SAMMSON: variants seen among roughly 807,000 people sequenced by gnomAD.
SAMMSON encodes the protein survival associated mitochondrial melanoma specific oncogenic non-coding RNA.
chr3:70,032,474 T>G (rs1262859913), intron 3 of SAMMSON, among the ~76,000 whole-genome samples: 3 of 152,218 alleles, frequency 2.0e-5, no homozygotes, highest in African/African-American at 7.2e-5. Context: ...TCTCCTTTAC[T>G]TAGTATTTCT....
chr3:70,308,216 AATTTTATTTTTTTGTTTTT>A (rs1559560072), intron 7 of SAMMSON, among the ~76,000 whole-genome samples: 1 of 149,372 alleles, frequency 6.7e-6, no homozygotes, highest in Non-Finnish European at 1.5e-5. Flanking sequence ...ACACCCAGCT[AATTTTATTTTTTTGTTTTT>A]ATTTTATTTT....
At chr3:70,310,814 AT>A (rs200890566) in intron 7 of SAMMSON, among the ~76,000 whole-genome samples, 4 of 151,886 alleles carry the variant, frequency 2.6e-5, no homozygotes, top group African/African-American at 9.7e-5. Flanking sequence ...TAACTTAAAC[AT>A]TTTTTTTCTT....
At chr3:70,209,211 T>C (rs1701318779) in intron 4 of SAMMSON, among the ~76,000 whole-genome samples, 1 of 152,126 alleles carries the variant, frequency 6.6e-6, no homozygotes, top group Admixed American at 6.6e-5. Flanking sequence ...AGATAATTTT[T>C]TGGCATGGAG....
At chr3:70,285,318 T>C (rs1702148897) in intron 6 of SAMMSON, among the ~76,000 whole-genome samples, 1 of 151,382 alleles carries the variant, frequency 6.6e-6, no homozygotes, top group South Asian at 2.1e-4. Context: ...TTTGGTTTTT[T>C]GTTCTTGCGA....
intron 4 of SAMMSON, among the ~76,000 whole-genome samples, chr3:70,177,952 T>C (rs1042258284): frequency 2.0e-5 from 3 of 152,182 alleles, no homozygotes; most frequent in African/African-American, 7.2e-5. Flanking sequence ...AAATATACAG[T>C]TGGATGTTCT....
At chr3:70,176,956 C>T (rs1291127326) in intron 4 of SAMMSON, among the ~76,000 whole-genome samples, 2 of 152,094 alleles carry the variant, frequency 1.3e-5, no homozygotes, top group Non-Finnish European at 2.9e-5. Flanking sequence ...ATTCTTCACA[C>T]AGGAATTTTA....
At chr3:70,089,784 G>GT (rs1203747173) in intron 4 of SAMMSON, among the ~76,000 whole-genome samples, 2 of 152,038 alleles carry the variant, frequency 1.3e-5, no homozygotes, top group African/African-American at 2.4e-5. Flanking sequence ...TTTTCGCAAG[G>GT]TTTAAAAAAA....
At chr3:70,240,383 C>T (rs553894974) in intron 4 of SAMMSON, among the ~76,000 whole-genome samples, 45 of 151,800 alleles carry the variant, frequency 3.0e-4, no homozygotes, top group African/African-American at 1.0e-3. Context: ...TAGAAGTGAG[C>T]TATGTGGTTT....
intron 1 of SAMMSON, among the ~76,000 whole-genome samples, chr3:70,010,385 A>G (rs2066948889): frequency 6.6e-6 from 1 of 152,102 alleles, no homozygotes; most frequent in African/African-American, 2.4e-5. Context: ...TCCCTTTACC[A>G]TTATGTAATG....
intron 3 of SAMMSON, among the ~76,000 whole-genome samples, chr3:70,057,761 A>G (rs2067173420): frequency 6.6e-6 from 1 of 151,990 alleles, no homozygotes; most frequent in Non-Finnish European, 1.5e-5. Context: ...CAGGTCAGGA[A>G]GTATTGCAGA....
intron 4 of SAMMSON, among the ~76,000 whole-genome samples, chr3:70,154,834 T>C (rs1469673243): frequency 6.6e-6 from 1 of 151,990 alleles, no homozygotes; most frequent in African/African-American, 2.4e-5. Flanking sequence ...TGGCTTTACC[T>C]TTGATCCTAT....
At chr3:70,345,445 T>G (rs572084755) in intron 7 of SAMMSON, among the ~76,000 whole-genome samples, 3 of 152,332 alleles carry the variant, frequency 2.0e-5, no homozygotes, top group African/African-American at 7.2e-5. Flanking sequence ...TTCAGCCAGA[T>G]AGTTTTGTCC....
At chr3:70,091,373 C>A (rs542002368) in intron 4 of SAMMSON, among the ~76,000 whole-genome samples, 1 of 152,156 alleles carries the variant, frequency 6.6e-6, no homozygotes, top group African/African-American at 2.4e-5. Flanking sequence ...AACAAGCTTA[C>A]AAGGGCTTCA....
intron 2 of SAMMSON, among the ~76,000 whole-genome samples, chr3:70,433,030 T>C (rs1431999563): frequency 6.6e-6 from 1 of 152,118 alleles, no homozygotes; most frequent in African/African-American, 2.4e-5. Flanking sequence ...TATACCATTA[T>C]AGCTATATAT....
At chr3:70,361,762 A>G (rs1206162402) in intron 9 of SAMMSON, among the ~76,000 whole-genome samples, 2 of 152,166 alleles carry the variant, frequency 1.3e-5, no homozygotes, top group Non-Finnish European at 2.9e-5. Context: ...CTGCACCTCA[A>G]TATAGTGCCT....
At chr3:70,242,329 T>C (rs1250784491) in intron 4 of SAMMSON, among the ~76,000 whole-genome samples, 1 of 152,218 alleles carries the variant, frequency 6.6e-6, no homozygotes, top group African/African-American at 2.4e-5. Flanking sequence ...CCTCTTGATC[T>C]TTTTGCAAAA....
At chr3:70,429,948 T>C (rs1701400783) in intron 2 of SAMMSON, among the ~76,000 whole-genome samples, 2 of 152,196 alleles carry the variant, frequency 1.3e-5, no homozygotes, top group Admixed American at 1.3e-4. Context: ...CCTATTTGAA[T>C]ACACTTTATT....
chr3:70,259,970 G>A (rs1701850514), intron 6 of SAMMSON, among the ~76,000 whole-genome samples: 1 of 152,094 alleles, frequency 6.6e-6, no homozygotes, highest in African/African-American at 2.4e-5. Flanking sequence ...CAGATCTCAT[G>A]AGAACCCACT....
chr3:70,359,553 A>C (rs1702856525), intron 9 of SAMMSON, among the ~76,000 whole-genome samples: 1 of 152,164 alleles, frequency 6.6e-6, no homozygotes, highest in Non-Finnish European at 1.5e-5. Context: ...AGAGCGCTTA[A>C]ATGTTTGTAA....
Sources: gnomAD v4.1 joint callset for allele counts (sites outside exome capture counted in the v4.1 genomes callset) on GRCh38, gnomAD v4.1.1 for gene constraint, MANE v1.5 for transcripts, NCBI Gene and HGNC (gene_info 2026-07-23, HGNC 2026-07-21) for gene names.